PHF20: variants seen among roughly 807,000 people sequenced by gnomAD.
The protein encoded by PHF20 is glioma-expressed antigen 2.
A neutral mutation model predicts 113.5 loss-of-function variants in PHF20; 23 were observed. The observed-to-expected ratio is 0.20, with a 90% CI of 0.15 to 0.29. The LOEUF is 0.29. Among genes scored for constraint, PHF20 ranks in the 10% least tolerant of loss-of-function variants. The pLI is 1.00. For synonymous variants in PHF20, 434 were observed against 457.3 expected, an observed-to-expected ratio of 0.95 and a Z score of 0.65; for missense variants, 943 against 1,219.6, an observed-to-expected ratio of 0.77 and a Z score of 3.38.
chr20:35,879,412 A>G (rs1382469022), intron 9 of PHF20, among the ~76,000 whole-genome samples: 1 of 152,206 alleles, frequency 6.6e-6, no homozygotes, highest in East Asian at 1.9e-4. Context: ...TAATTTTTGA[A>G]TGTCATCTTG....
chr20:35,852,470 T>G (rs1164009379), intron 4 of PHF20, among the ~76,000 whole-genome samples: 1 of 152,138 alleles, frequency 6.6e-6, no homozygotes, highest in African/African-American at 2.4e-5. Flanking sequence ...GAGTGTTGTA[T>G]TGGCCACAGA....
intron 12 of PHF20, among the ~76,000 whole-genome samples, chr20:35,916,502 CTG>C (rs775155915): frequency 3.3e-5 from 5 of 152,224 alleles, no homozygotes; most frequent in Non-Finnish European, 7.3e-5. Flanking sequence ...GAGTCTCACT[CTG>C]TCACCCAGGC....
chr20:35,897,249 A>G (rs1019259967), intron 9 of PHF20, among the ~76,000 whole-genome samples: 3 of 151,838 alleles, frequency 2.0e-5, no homozygotes, highest in African/African-American at 7.3e-5. Flanking sequence ...TGAGTTGTCT[A>G]CACTGGTCTT....
At chr20:35,850,309 T>TG (rs2042699623) in intron 4 of PHF20, among the ~76,000 whole-genome samples, 1 of 100,658 alleles carries the variant, frequency 9.9e-6, no homozygotes, top group African/African-American at 4.9e-5. Context: ...TTTTTTTTTT[T>TG]TTTTTTTTTT....
In PHF20 at chr20:35,949,201, G is replaced by C. The variant is rs745615127; in HGVS notation, c.*1574G>C. The C allele has an allele frequency of 6.6e-6, 1 of 152,574 alleles. No individual in the cohort carries two copies. Among genetic ancestry groups the C allele is most frequent in the South Asian group, 2.1e-4 (1 of 4,828 alleles). 9.5% of individuals were successfully genotyped at this position (152,574 alleles called of 1,614,324 possible). ...TAACAAAACGACGATTCCTCTACAA[G>C]AGGCTGTTTCTCACTGCTAACGTTG... is the stretch of plus-strand genomic sequence containing the variant. On this transcript the variant is annotated 3_prime_UTR_variant, in exon 18 of 18. Coordinates refer to ENST00000374012, the MANE Select transcript of PHF20 (RefSeq NM_016436.5).
intron 9 of PHF20, among the ~76,000 whole-genome samples, chr20:35,880,303 A>C (rs1174614562): frequency 6.6e-6 from 1 of 152,184 alleles, no homozygotes; most frequent in Non-Finnish European, 1.5e-5. Flanking sequence ...GCATGACCAT[A>C]GGGCGATTTC....
intron 9 of PHF20, chr20:35,878,538 C>T (rs2054571695): frequency 4.4e-6 from 3 of 674,686 alleles, no homozygotes; most frequent in Non-Finnish European, 5.4e-6. Flanking sequence ...GCTAAAGAGG[C>T]ACCATTCGTA....
chr20:35,781,435 T>C (rs1432565963), intron 1 of PHF20, among the ~76,000 whole-genome samples: 1 of 152,146 alleles, frequency 6.6e-6, no homozygotes, highest in African/African-American at 2.4e-5. Flanking sequence ...TTCTTGACCA[T>C]GCAAAACATC....
intron 2 of PHF20, among the ~76,000 whole-genome samples, chr20:35,839,029 A>C (rs2042494068): frequency 6.6e-6 from 1 of 151,804 alleles, no homozygotes. Context: ...CGTGTAAAGA[A>C]AATTTCCTGC....
chr20:35,783,401 A>G (rs2041340746), intron 1 of PHF20, among the ~76,000 whole-genome samples: 1 of 151,936 alleles, frequency 6.6e-6, no homozygotes, highest in Admixed American at 6.6e-5. Flanking sequence ...AGTGTATGCC[A>G]AAGAAAAAGA....
intron 2 of PHF20, among the ~76,000 whole-genome samples, chr20:35,840,617 G>A (rs1264702517): frequency 6.6e-6 from 1 of 152,082 alleles, no homozygotes; most frequent in Admixed American, 6.6e-5. Flanking sequence ...GCATGAAACT[G>A]ATGATTAGAC....
chr20:35,920,474 C>T (rs998946153), intron 13 of PHF20, among the ~76,000 whole-genome samples: 3 of 152,162 alleles, frequency 2.0e-5, no homozygotes, highest in East Asian at 1.9e-4. Context: ...TCTAACAAGG[C>T]GATCTCAAGT....
intron 10 of PHF20, among the ~76,000 whole-genome samples, chr20:35,907,053 G>A (rs1051475576): frequency 6.6e-6 from 1 of 152,172 alleles, no homozygotes; most frequent in Non-Finnish European, 1.5e-5. Context: ...CTGCCCTTGA[G>A]CTACCACCCC....
intron 9 of PHF20, among the ~76,000 whole-genome samples, chr20:35,878,252 C>CTT (rs1179244849): frequency 1.3e-5 from 2 of 152,122 alleles, no homozygotes; most frequent in African/African-American, 2.4e-5. Context: ...CCTTCCAGGT[C>CTT]TTTCTGTCCA....
chr20:35,780,537 CTTTTTTTTCTTTTCT>C (rs1204746589), intron 1 of PHF20, among the ~76,000 whole-genome samples: 4 of 116,158 alleles, frequency 3.4e-5, no homozygotes, highest in Non-Finnish European at 5.1e-5. Flanking sequence ...ATTCTTTTTT[CTTTTTTTTCTTTTCT>C]TTTTTTTTTT....
At chr20:35,947,344 TCCCTTGCCC>T in intron 17 of PHF20, 132 bp from the exon 18 acceptor site, 2 of 732,872 alleles carry the variant, frequency 2.7e-6, no homozygotes, top group South Asian at 2.4e-5. Context: ...TGGCCCTTCC[TCCCTTGCCC>T]CATGGAGGCT....
At chr20:35,865,032 A>G (rs1361602533) in intron 6 of PHF20, among the ~76,000 whole-genome samples, 1 of 152,030 alleles carries the variant, frequency 6.6e-6, no homozygotes, top group Non-Finnish European at 1.5e-5. Context: ...CTGAAAAAAT[A>G]TAAAGACAAA....
At chr20:35,846,411 A>G (rs994145871) in intron 3 of PHF20, among the ~76,000 whole-genome samples, 2 of 151,622 alleles carry the variant, frequency 1.3e-5, no homozygotes, top group African/African-American at 4.8e-5. Context: ...TGATCTGCCC[A>G]CCTTGACCTC....
At chr20:35,802,797 G>A (rs1340185379) in intron 2 of PHF20, among the ~76,000 whole-genome samples, 1 of 151,472 alleles carries the variant, frequency 6.6e-6, no homozygotes, top group African/African-American at 2.4e-5. Flanking sequence ...AAATTAGCCG[G>A]GCATGGTGGT....
Sources: gnomAD v4.1 joint callset for allele counts (sites outside exome capture counted in the v4.1 genomes callset) on GRCh38, gnomAD v4.1.1 for gene constraint, MANE v1.5 for transcripts, NCBI Gene and HGNC (gene_info 2026-07-23, HGNC 2026-07-21) for gene names.